SYT7: variants seen among roughly 807,000 people sequenced by gnomAD.
SYT7 encodes the protein synaptotagmin-7.
A neutral mutation model predicts 75.1 loss-of-function variants in SYT7; 29 were observed. That is an observed-to-expected ratio of 0.39 (90% CI 0.29 to 0.53). The LOEUF (loss-of-function observed/expected upper bound fraction) is 0.53, where lower values mean the gene tolerates loss of function less well. SYT7 is among the 20% of genes least tolerant of loss of function. The pLI is 0.77. For missense variants in SYT7, 693 were observed against 953.2 expected (o/e 0.73, Z 3.59); for synonymous variants, 376 against 401.7 (o/e 0.94, Z 0.76).
upstream of SYT7, among the ~76,000 whole-genome samples, chr11:61,582,864 G>C (rs539771188): frequency 6.6e-6 from 1 of 152,268 alleles, no homozygotes; most frequent in East Asian, 1.9e-4. Flanking sequence ...CAACAGGCTG[G>C]GACTGCAAGG....
chr11:61,574,832 C>T (rs937301401), intron 1 of SYT7, among the ~76,000 whole-genome samples: 7 of 152,066 alleles, frequency 4.6e-5, no homozygotes, highest in South Asian at 4.1e-4. Flanking sequence ...GGTAATGAGA[C>T]GGATCCAATT....
Position 61,546,302 on chromosome 11 carries a change from G to A in SYT7, c.348-47C>T. On this transcript the variant is annotated intron_variant, in intron 4 of 12. Transcript: ENST00000539008. This position sits in a 1 kb window ranked among gnomAD's most constrained non-coding sequence, Gnocchi z 7.6. ...CCAGGCCAGAGGGGCACCGGGGGTG[G>A]CGGTGGGGGAGAGAGGGCAGGCCAT... 7.4e-7 allele frequency: 1 copy of A among 1,344,260 alleles called. No individual in the cohort carries two copies. The highest frequency in any genetic ancestry group is 9.7e-7 in the Non-Finnish European group (1 of 1,032,624). 83.3% of individuals were successfully genotyped at this position (1,344,260 alleles called of 1,614,324 possible).
At chr11:61,549,447 C>T (rs948843916) in intron 3 of SYT7, among the ~76,000 whole-genome samples, 4 of 152,338 alleles carry the variant, frequency 2.6e-5, no homozygotes, top group East Asian at 1.9e-4. Flanking sequence ...ATAGCTATGA[C>T]TCATCTGTGG....
chr11:61,562,519 A>G (rs575335686), intron 1 of SYT7, among the ~76,000 whole-genome samples: 1 of 152,328 alleles, frequency 6.6e-6, no homozygotes, highest in Non-Finnish European at 1.5e-5. Flanking sequence ...GCATTATCAC[A>G]TCGTGCCCTG....
At chr11:61,543,551 G>T (rs1024836210) in intron 5 of SYT7, among the ~76,000 whole-genome samples, 22 of 152,140 alleles carry the variant, frequency 1.4e-4, no homozygotes, top group African/African-American at 5.3e-4. Flanking sequence ...ACTAAATATG[G>T]GACTCTGGAA....
chr11:61,567,860 C>T (rs1402222634), intron 1 of SYT7, among the ~76,000 whole-genome samples: 1 of 152,228 alleles, frequency 6.6e-6, no homozygotes, highest in Non-Finnish European at 1.5e-5. Context: ...CGGCGTTGCC[C>T]GACACCCGCA....
chr11:61,514,436 G>A lies in SYT7; in HGVS notation c.*4191C>T, dbSNP rs540433019. Among the ~76,000 whole-genome samples the A allele has an allele frequency of 1.4e-4, 21 of 152,382 alleles. No individual in the cohort carries two copies. The highest frequency in any genetic ancestry group is 7.2e-4 in the Admixed American group (11 of 15,310). ...GCCCCAAGTGCTGGGAGCAGAGGGC[G>A]GATGGGATGGCCCGCTTCACTCCTG... On this transcript the variant is annotated 3_prime_UTR_variant, in exon 13 of 13. Coordinates refer to ENST00000539008, the MANE Select transcript of SYT7 (RefSeq NM_001365809.2).
chr11:61,533,015 T>C lies in SYT7; in HGVS notation c.1174A>G (p.Asn392Asp). 6.2e-7 allele frequency: 1 copy of C among 1,613,684 alleles called. No individual in the cohort carries two copies. Among genetic ancestry groups the C allele is most frequent in the South Asian group, 1.1e-5 (1 of 91,076 alleles). Reference protein sequence around the residue: ...EPRSSVSDLVNSLTSEMLMLS... With the variant: ...EPRSSVSDLVDSLTSEMLMLS... ...ATGAGCATCTCGCTGGTGAGGGAGTTGACGAGGTCTGAGACGGAGGAACGT... is the reference window on the plus strand; with the variant it reads ...ATGAGCATCTCGCTGGTGAGGGAGTCGACGAGGTCTGAGACGGAGGAACGT... The change falls in exon 8 of 13, where the codon AAC becomes GAC. Residue 392 changes from asparagine (N) to aspartate (D), a missense_variant. Physicochemically the swap from Asn to Asp is conservative, Grantham distance 23. Coordinates refer to ENST00000539008, the MANE Select transcript of SYT7 (RefSeq NM_001365809.2).
chr11:61,581,267 G>A (rs897624933), upstream of SYT7: 4 of 147,562 alleles, frequency 2.7e-5, no homozygotes, highest in South Asian at 1.8e-4. Flanking sequence ...GCCGCCCCGA[G>A]GGCACGGCCG....
intron 1 of SYT7, among the ~76,000 whole-genome samples, chr11:61,566,722 CTAGT>C (rs1415887353): frequency 2.0e-5 from 3 of 152,198 alleles, no homozygotes; most frequent in Non-Finnish European, 4.4e-5. Context: ...GCCTTGACCA[CTAGT>C]TACTCCTATG....
chr11:61,531,063 T>C lies in SYT7; in HGVS notation c.1200+1926A>G, dbSNP rs1482010171. The C allele has an allele frequency of 3.0e-6, 3 of 985,306 alleles. No homozygotes were observed. In the African/African-American group the frequency reaches 5.2e-5, roughly 17 times the overall value. 61.0% of individuals were successfully genotyped at this position (985,306 alleles called of 1,614,324 possible). A position where few individuals can be genotyped will look rare whatever the true frequency, so the allele number is the denominator to read the frequency against. ...GCCAGCTCTGGGTGCTTAACTCTTG[T>C]CTCTTGACCCCCAGATTCCACAGCC... On this transcript the variant is annotated intron_variant, in intron 8 of 12. Transcript: ENST00000539008.
In SYT7 at chr11:61,515,090, A is replaced by T. The variant is rs1328152826; in HGVS notation, c.*3537T>A. On this transcript the variant is annotated 3_prime_UTR_variant, in exon 13 of 13. Transcript: ENST00000539008. ...GTGTCAGGCCTGATCTGGGAGATGT[A>T]GCTGCCTCTCTGCTTTCTGGGAAGC... Among the ~76,000 whole-genome samples the T allele has an allele frequency of 1.3e-5, 2 of 152,248 alleles. No individual in the cohort carries two copies. The highest frequency in any genetic ancestry group is 2.9e-5 in the Non-Finnish European group (2 of 68,048).
rs538646669 is a variant in SYT7 at position 61,542,796 on chromosome 11, C to T, written c.573-217G>A. Among the ~76,000 whole-genome samples the T allele has an allele frequency of 5.4e-4, 83 of 152,308 alleles. No homozygotes were observed. The highest frequency in any genetic ancestry group is 1.9e-3 in the African/African-American group (79 of 41,570). On this transcript the variant is annotated intron_variant, in intron 5 of 12. Coordinates refer to ENST00000539008, the MANE Select transcript of SYT7 (RefSeq NM_001365809.2). The surrounding 1 kb of genome is among the most constrained non-coding windows in gnomAD (Gnocchi z 7.8). ...TCGCGCCCACCCTGAGGCCCCAGGC[C>T]GGCTCTGCCCACCCACCTTCTGGCC...
chr11:61,585,576 G>A (rs1359931119), upstream of SYT7, among the ~76,000 whole-genome samples: 1 of 152,134 alleles, frequency 6.6e-6, no homozygotes, highest in Non-Finnish European at 1.5e-5. Flanking sequence ...AAAGTATAAA[G>A]TTAACAGATA....
intron 3 of SYT7, among the ~76,000 whole-genome samples, chr11:61,548,150 C>T (rs1192451089): frequency 3.3e-5 from 5 of 152,248 alleles, no homozygotes; most frequent in South Asian, 2.1e-4. Flanking sequence ...TCCTGGGCCT[C>T]TGACCTTGCT....
At chr11:61,540,600 G>A (rs2063012511) in intron 6 of SYT7, 3 of 985,562 alleles carry the variant, frequency 3.0e-6, no homozygotes, top group Middle Eastern at 5.2e-4. Flanking sequence ...GCTGTTGCAT[G>A]CATGATGCTG....
chr11:61,583,119 C>T (rs1336752688), upstream of SYT7, among the ~76,000 whole-genome samples: 2 of 151,878 alleles, frequency 1.3e-5, no homozygotes, highest in African/African-American at 2.4e-5. Context: ...CTCAGCTACT[C>T]GGGAGGCTGC....
chr11:61,573,452 G>T (rs5012629), intron 1 of SYT7, among the ~76,000 whole-genome samples: 4,877 of 152,234 alleles, frequency 0.032, 291 homozygotes, highest in African/African-American at 0.11. Flanking sequence ...CAGAGGTAGG[G>T]ACAGATATGT....
chr11:61,529,721 A>G (rs1008484515), intron 8 of SYT7, among the ~76,000 whole-genome samples: 25 of 151,774 alleles, frequency 1.6e-4, no homozygotes, highest in African/African-American at 5.8e-4. Flanking sequence ...TGCCACCTCC[A>G]CCTCCCAAGG....
Sources: gnomAD v4.1 joint callset for allele counts (sites outside exome capture counted in the v4.1 genomes callset) on GRCh38, gnomAD v4.1.1 for gene constraint, Gnocchi (gnomAD v3.1) non-coding constraint, MANE v1.5 for transcripts, NCBI Gene and HGNC (gene_info 2026-07-23, HGNC 2026-07-21) for gene names.